FAT4: variants seen among roughly 807,000 people sequenced by gnomAD.
The protein encoded by FAT4 is protocadherin Fat 4.
In FAT4, 84 loss-of-function variants were observed where a neutral mutation model predicts 303.9. The ratio of observed to expected loss-of-function variants is 0.28; its 90% CI spans 0.23 to 0.33. The LOEUF is 0.33. Ranked by LOEUF, FAT4 falls within the 10% of genes least tolerant of loss-of-function variation. FAT4 has a pLI of 1.00. For missense variants in FAT4, 6,005 were observed against 6,146.8 expected, an observed-to-expected ratio of 0.98 and a Z score of 0.77; for synonymous variants, 2,307 against 2,298.8, an observed-to-expected ratio of 1.00 and a Z score of -0.10.
intron 7 of FAT4, among the ~76,000 whole-genome samples, chr4:125,425,593 G>C (rs907057467): frequency 6.6e-6 from 1 of 151,910 alleles, no homozygotes; most frequent in African/African-American, 2.4e-5. Flanking sequence ...TGTATCCAAG[G>C]GTTTTATTAA....
intron 7 of FAT4, among the ~76,000 whole-genome samples, chr4:125,418,514 T>C (rs1372174903): frequency 2.6e-5 from 4 of 152,198 alleles, no homozygotes; most frequent in African/African-American, 9.6e-5. Context: ...GTATCATATG[T>C]ATGCAGTGCT....
At chr4:125,419,534 C>A (rs1469095109) in intron 7 of FAT4, among the ~76,000 whole-genome samples, 4 of 152,150 alleles carry the variant, frequency 2.6e-5, no homozygotes, top group Non-Finnish European at 4.4e-5. Context: ...ATTCAACAGG[C>A]AACCCAAGAA....
chr4:125,417,300 C>T (rs1313385058), intron 7 of FAT4, among the ~76,000 whole-genome samples: 4 of 152,054 alleles, frequency 2.6e-5, no homozygotes, highest in African/African-American at 4.8e-5. Flanking sequence ...TTCTGATAGA[C>T]ATGGGTGAGT....
intron 10 of FAT4, among the ~76,000 whole-genome samples, chr4:125,456,181 T>C (rs1726270710): frequency 6.6e-6 from 1 of 152,202 alleles, no homozygotes. Flanking sequence ...GTAGGAACGA[T>C]GCTGAATGTC....
At chr4:125,406,097 G>A (rs1334759851) in intron 3 of FAT4, among the ~76,000 whole-genome samples, 2 of 152,026 alleles carry the variant, frequency 1.3e-5, no homozygotes, top group Non-Finnish European at 2.9e-5. Flanking sequence ...TAATTGCCCA[G>A]GCTGTCTTTT....
intron 2 of FAT4, among the ~76,000 whole-genome samples, chr4:125,372,181 C>A (rs1168182604): frequency 6.6e-6 from 1 of 150,858 alleles, no homozygotes; most frequent in Admixed American, 6.6e-5. Flanking sequence ...ACCTCGTCTC[C>A]ACCAAAAAAA....
Position 125,434,298 on chromosome 4 carries a change from A to G in FAT4, c.7072A>G (p.Asn2358Asp), listed in dbSNP as rs756848993. The G allele has an allele frequency of 1.2e-6, 2 of 1,614,062 alleles. No homozygotes were observed. Among genetic ancestry groups the G allele is most frequent in the South Asian group, 1.1e-5 (1 of 91,082 alleles). Reference protein sequence around the residue: ...GTINVIVDDVNDNVPTFASKA... With the variant: ...GTINVIVDDVDDNVPTFASKA... ...AATCAACGTCATAGTAGATGATGTC[A>G]ATGACAATGTCCCCACATTTGCCAG... The change falls in exon 8 of 18, where the codon AAT becomes GAT. Residue 2358 changes from asparagine (N) to aspartate (D), a missense_variant. By Grantham distance (23) the Asn-to-Asp change is conservative (BLOSUM62 1). Coordinates refer to ENST00000394329, the MANE Select transcript of FAT4 (RefSeq NM_001291303.3).
In FAT4 at chr4:125,317,508, C is replaced by T; in HGVS notation, c.1097C>T (p.Ser366Leu). The T allele has an allele frequency of 5.0e-6, 8 of 1,613,826 alleles. No homozygotes were observed. In the East Asian group the frequency reaches 6.7e-5, roughly 13 times the overall value. Residue 366 changes from serine (S) to leucine (L), a missense_variant, in exon 2 of 18, where the codon TCG becomes TTG. Transcript: ENST00000394329. This position sits in a 1 kb window ranked among gnomAD's most constrained non-coding sequence, Gnocchi z 7.0. ...TTCCCGGCCACCTCGCGCTACGCCTCGGTAGATGAGAATGCTCAAGTGGGC... is the reference window on the plus strand; with the variant it reads ...TTCCCGGCCACCTCGCGCTACGCCTTGGTAGATGAGAATGCTCAAGTGGGC... ...RYFPATSRYA[S>L]VDENAQVGTV... is the part of the protein sequence containing the mutation.
chr4:125,452,282 G>A lies in FAT4; in HGVS notation c.11272G>A (p.Glu3758Lys), dbSNP rs1726115453. The A allele has an allele frequency of 3.7e-6, 6 of 1,614,112 alleles. No individual in the cohort carries two copies. The highest frequency in any genetic ancestry group is 1.7e-5 in the Admixed American group (1 of 60,002). The change falls in exon 10 of 18, where the codon GAG becomes AAG. Residue 3758 changes from glutamate to lysine, a missense_variant. Glu to Lys is a moderately conservative substitution (Grantham distance 56, BLOSUM62 1). Transcript: ENST00000394329. ...TGTGCAACTGTACAGTGCATATGAA[G>A]AGAACAATAGAACGTTTCTTTTGGC... ...TAVQLYSAYE[E>K]NNRTFLLAAV...
At chr4:125,470,802 C>T (rs187025717) in intron 12 of FAT4, among the ~76,000 whole-genome samples, 3 of 152,352 alleles carry the variant, frequency 2.0e-5, no homozygotes, top group Non-Finnish European at 4.4e-5. Flanking sequence ...GCTTTCTTAT[C>T]ATTTGTATAT....
chr4:125,360,057 G>A (rs1417385158), intron 2 of FAT4, among the ~76,000 whole-genome samples: 1 of 152,070 alleles, frequency 6.6e-6, no homozygotes, highest in East Asian at 1.9e-4. Flanking sequence ...TCTCCCTCCT[G>A]CCATTGCCTT....
intron 2 of FAT4, among the ~76,000 whole-genome samples, chr4:125,338,310 T>C (rs1731650263): frequency 6.6e-6 from 1 of 152,188 alleles, no homozygotes; most frequent in Admixed American, 6.5e-5. Flanking sequence ...ACACTGTCAT[T>C]TAGACAATAA....
At chr4:125,398,642 A>C in intron 2 of FAT4, 142 bp from the exon 3 acceptor site, 1 of 707,172 alleles carries the variant, frequency 1.4e-6, no homozygotes, top group Non-Finnish European at 2.3e-6. Flanking sequence ...CCCTAGGGGT[A>C]GTTTCTGTTG....
intron 10 of FAT4, among the ~76,000 whole-genome samples, chr4:125,454,311 A>C (rs985420073): frequency 6.6e-6 from 1 of 152,240 alleles, no homozygotes; most frequent in African/African-American, 2.4e-5. Flanking sequence ...GTTGAAACAG[A>C]ACATGCAGTC....
chr4:125,462,139 A>T lies in FAT4; in HGVS notation c.11801-1424A>T, dbSNP rs77040419. On this transcript the variant is annotated intron_variant, in intron 10 of 17. Coordinates refer to ENST00000394329, the MANE Select transcript of FAT4 (RefSeq NM_001291303.3). ...TGTTTATGATTCTGTGATGTACAGAAATGGGCTTAGTTAGCATCATGAGAT... is the reference window on the plus strand; with the variant it reads ...TGTTTATGATTCTGTGATGTACAGATATGGGCTTAGTTAGCATCATGAGAT... Among the ~76,000 whole-genome samples the T allele has an allele frequency of 5.8e-3, 877 of 152,102 alleles. 4 individuals are homozygous for T. The highest frequency in any genetic ancestry group is 0.017 in the Middle Eastern group (5 of 294).
intron 2 of FAT4, among the ~76,000 whole-genome samples, chr4:125,350,003 A>G (rs929976217): frequency 1.9e-4 from 29 of 151,782 alleles, no homozygotes; most frequent in Non-Finnish European, 4.4e-5. Flanking sequence ...ATTAATTTCA[A>G]TGAAATTTGG....
At chr4:125,356,542 G>GTTTTTT (rs1230221758) in intron 2 of FAT4, among the ~76,000 whole-genome samples, 15 of 98,470 alleles carry the variant, frequency 1.5e-4, no homozygotes, top group African/African-American at 5.1e-4. Context: ...AGGGTGTTTT[G>GTTTTTT]TTTTTTGTTT....
rs1725683146 is a variant in FAT4, at chr4:125,442,198, AT to A, written c.7200-4092del. Among the ~76,000 whole-genome samples, 3 of 152,114 alleles carry A rather than the reference AT, an allele frequency of 2.0e-5. No individual in the cohort carries two copies. In the South Asian group the frequency reaches 6.2e-4, roughly 31 times the overall value. On this transcript the variant is annotated intron_variant, in intron 8 of 17. Transcript: ENST00000394329. Reference sequence around the variant, plus strand: ...GTAGCCCCTTTACAACTTATGTTAAATTTACCTTTCTCTGAGGAAGCTTTAT... The same window carrying A: ...GTAGCCCCTTTACAACTTATGTTAAATTACCTTTCTCTGAGGAAGCTTTAT...
At chr4:125,339,869 TA>T (rs1204194073) in intron 2 of FAT4, among the ~76,000 whole-genome samples, 1 of 152,078 alleles carries the variant, frequency 6.6e-6, no homozygotes, top group African/African-American at 2.4e-5. Flanking sequence ...TTGGAAAATT[TA>T]AAAAAATAAT....
Sources: allele counts gnomAD v4.1 joint callset (sites outside exome capture counted in the v4.1 genomes callset), GRCh38; gene constraint gnomAD v4.1.1; non-coding constraint Gnocchi (gnomAD v3.1); transcripts MANE v1.5; gene names NCBI Gene and HGNC (gene_info 2026-07-23, HGNC 2026-07-21).